The following TTC5 variants were observed in gnomAD, a reference collection of about 807,000 sequenced individuals.
TTC5 encodes the protein tetratricopeptide repeat protein 5.
In TTC5, 46 loss-of-function variants were observed where a neutral mutation model predicts 57.4. The ratio of observed to expected loss-of-function variants is 0.80; its 90% confidence interval spans 0.63 to 1.03. TTC5 has a LOEUF of 1.03. TTC5 is among the 50% of genes least tolerant of loss of function. The probability of loss-of-function intolerance (pLI) is 0.00; values close to 1 mark genes in which losing one functional copy is unlikely to be tolerated. For synonymous variants in TTC5, 190 were observed against 203.5 expected, an observed-to-expected ratio of 0.93 and a Z score of 0.57; for missense variants, 504 against 528.1, an observed-to-expected ratio of 0.95 and a Z score of 0.45.
intron 8 of TTC5, chr14:20,293,195 GTAAAA>G (rs1203686556): frequency 6.6e-6 from 1 of 152,172 alleles, no homozygotes; most frequent in Non-Finnish European, 1.5e-5. Flanking sequence ...AATAAGCTAA[GTAAAA>G]TAAAATATTA....
chr14:20,297,531 G>T (rs1022966002), intron 5 of TTC5, among the ~76,000 whole-genome samples: 2 of 152,190 alleles, frequency 1.3e-5, no homozygotes, highest in African/African-American at 4.8e-5. Context: ...AACACTTTGG[G>T]AGACCGAGGC....
At chr14:20,292,169 G>T in intron 8 of TTC5, 42 bp from the exon 9 acceptor site, 1 of 1,416,374 alleles carries the variant, frequency 7.1e-7, no homozygotes. Flanking sequence ...AAACAAAAAG[G>T]TATGTGGGTA....
At chr14:20,305,259 G>C (rs1882266127) in intron 1 of TTC5, 1 of 152,196 alleles carries the variant, frequency 6.6e-6, no homozygotes, top group Admixed American at 6.5e-5. Flanking sequence ...ACGAAGAACT[G>C]AGTTCCTGAG....
intron 1 of TTC5, chr14:20,305,538 A>G: frequency 3.3e-6 from 1 of 300,234 alleles, no homozygotes; most frequent in South Asian, 6.0e-5. Context: ...TAGGGATCAA[A>G]ACAACATGTG....
At chr14:20,300,970 C>CA (rs1882178339) in intron 2 of TTC5, 152 bp from the exon 3 acceptor site, 1 of 645,462 alleles carries the variant, frequency 1.5e-6, no homozygotes, top group Non-Finnish European at 2.6e-6. Context: ...TCACCATAGG[C>CA]AGAGTGTATG....
rs1566386692 is a variant in TTC5, at chr14:20,287,037, T to C, written c.*2590A>G. On this transcript the variant is annotated 3_prime_UTR_variant, in exon 10 of 10. Transcript: ENST00000258821. ...AGCATTGGGGTGACTCATCTATTGA[T>C]AGTAGAGACATAAACTAATATAAGC... is the stretch of plus-strand genomic sequence containing the variant. 2 of 152,200 alleles carry C rather than the reference T, an allele frequency of 1.3e-5. No individual in the cohort carries two copies. The highest frequency in any genetic ancestry group is 2.9e-5 in the Non-Finnish European group (2 of 68,028). The allele number at this position is 152,200 out of a possible 1,614,324, so 9.4% of individuals were successfully genotyped here. A position where few individuals can be genotyped will look rare whatever the true frequency, so the allele number is the denominator to read the frequency against.
Position 20,287,061 on chromosome 14 carries a change from G to A in TTC5, c.*2566C>T, listed in dbSNP as rs1486157117. 1 of 152,124 alleles carries A rather than the reference G, an allele frequency of 6.6e-6. No homozygotes were observed. Among genetic ancestry groups the A allele is most frequent in the East Asian group, 1.9e-4 (1 of 5,198 alleles). The allele number at this position is 152,124 out of a possible 1,614,324, so 9.4% of individuals were successfully genotyped here. A position where few individuals can be genotyped will look rare whatever the true frequency, so the allele number is the denominator to read the frequency against. On this transcript the variant is annotated 3_prime_UTR_variant, in exon 10 of 10. Coordinates refer to ENST00000258821, the MANE Select transcript of TTC5 (RefSeq NM_138376.3). ...ATAGTAGAGACATAAACTAATATAA[G>A]CACTTTGGAAATGTTTAGTGCTTCT...
intron 3 of TTC5, among the ~76,000 whole-genome samples, chr14:20,300,143 G>GTATGTGTGTGTGTGTATATATATATA (rs56828704): frequency 3.7e-5 from 1 of 27,148 alleles, no homozygotes; most frequent in African/African-American, 1.1e-4. Context: ...TCTGGTCCAT[G>GTATGTGTGTGTGTGTATATATATATA]TATATATATA....
At chr14:20,301,741 CAGAT>C (rs1882196352) in intron 2 of TTC5, 88 bp downstream of exon 2, 1 of 1,519,086 alleles carries the variant, frequency 6.6e-7, no homozygotes, top group Non-Finnish European at 9.0e-7. Context: ...ATAGCAGTAA[CAGAT>C]AGGATACCAA....
intron 1 of TTC5, among the ~76,000 whole-genome samples, chr14:20,304,838 A>T (rs943565629): frequency 2.0e-5 from 3 of 152,192 alleles, no homozygotes; most frequent in Non-Finnish European, 4.4e-5. Flanking sequence ...CTCTGGACTG[A>T]ATGTTTTTAG....
At chr14:20,297,795 G>A (rs906848160) in intron 5 of TTC5, among the ~76,000 whole-genome samples, 8 of 151,870 alleles carry the variant, frequency 5.3e-5, no homozygotes, top group African/African-American at 1.7e-4. Context: ...AGATTAAAAA[G>A]TGACTATTTA....
In TTC5 at chr14:20,286,544, A is replaced by C. The variant is rs928003606; in HGVS notation, c.*3083T>G. On this transcript the variant is annotated 3_prime_UTR_variant, in exon 10 of 10. Transcript: ENST00000258821. ...GGGCTATTTACTCATTATGAAAAAA[A>C]TTATATCCGTACATAACATAAAATA... is the stretch of plus-strand genomic sequence containing the variant. The C allele has an allele frequency of 5.3e-5, 8 of 152,132 alleles. No homozygotes were observed. Among genetic ancestry groups the C allele is most frequent in the African/African-American group, 1.9e-4 (8 of 41,444 alleles). The allele number at this position is 152,132 out of a possible 1,614,324, so 9.4% of individuals were successfully genotyped here. A position where few individuals can be genotyped will look rare whatever the true frequency, so the allele number is the denominator to read the frequency against.
chr14:20,300,947 A>G (rs966589861), intron 2 of TTC5, 129 bp from the exon 3 acceptor site: 3 of 718,482 alleles, frequency 4.2e-6, no homozygotes, highest in South Asian at 1.9e-5. Context: ...TCAATAAACC[A>G]TTTATTGAAA....
At chr14:20,299,272 G>A (rs756700437) in intron 4 of TTC5, 26 bp downstream of exon 4, 27 of 1,608,092 alleles carry the variant, frequency 1.7e-5, no homozygotes, top group Admixed American at 5.0e-5. Context: ...CTAGAAACCT[G>A]TTGGAGATCT....
At position 20,289,130 on chromosome 14, in the gene TTC5, G is replaced by GTTT. The variant is rs34313129; in HGVS notation, c.*494_*496dup. ...AATAAAGCAGGCCAAACTACGTGGT[G>GTTT]TTTTTTTTTTTTTCCAAACAAATTT... On this transcript the variant is annotated 3_prime_UTR_variant, in exon 10 of 10. Coordinates refer to ENST00000258821, the MANE Select transcript of TTC5 (RefSeq NM_138376.3). 24 of 146,374 alleles carry GTTT rather than the reference G, an allele frequency of 1.6e-4. No homozygotes were observed. The highest frequency in any genetic ancestry group is 5.9e-4 in the East Asian group (3 of 5,120). 9.1% of individuals were successfully genotyped at this position (146,374 alleles called of 1,614,324 possible). A position where few individuals can be genotyped will look rare whatever the true frequency, so the allele number is the denominator to read the frequency against.
At chr14:20,302,621 A>G (rs1218292202) in intron 1 of TTC5, among the ~76,000 whole-genome samples, 1 of 152,168 alleles carries the variant, frequency 6.6e-6, no homozygotes, top group Non-Finnish European at 1.5e-5. Flanking sequence ...TTTTTTACAA[A>G]TAAATATTCT....
chr14:20,292,730 G>C (rs1881984382), intron 8 of TTC5: 1 of 152,180 alleles, frequency 6.6e-6, no homozygotes, highest in Non-Finnish European at 1.5e-5. Flanking sequence ...CCCTTGTGCT[G>C]AATTCAATGA....
At chr14:20,295,650 T>C in intron 7 of TTC5, 58 bp downstream of exon 7, 1 of 1,555,922 alleles carries the variant, frequency 6.4e-7, no homozygotes, top group South Asian at 1.2e-5. Flanking sequence ...CTTATTTTAT[T>C]GACCCACGAC....
At chr14:20,296,504 G>GTTGGGCATGTCAGT in intron 5 of TTC5, 58 bp from the exon 6 acceptor site, 6 of 1,341,966 alleles carry the variant, frequency 4.5e-6, no homozygotes, top group African/African-American at 1.4e-5. Context: ...GGACTGACAT[G>GTTGGGCATGTCAGT]CCCAACATGT....
Sources: gnomAD v4.1 joint callset for allele counts (sites outside exome capture counted in the v4.1 genomes callset) on GRCh38, gnomAD v4.1.1 for gene constraint, MANE v1.5 for transcripts, NCBI Gene and HGNC (gene_info 2026-07-23, HGNC 2026-07-21) for gene names.